RGS5: variants seen among roughly 807,000 people sequenced by gnomAD.
The protein encoded by RGS5 is regulator of G-protein signalling 5.
In RGS5, 20 loss-of-function variants were observed where a neutral mutation model predicts 18.9. The ratio of observed to expected loss-of-function variants is 1.06; its 90% confidence interval spans 0.74 to 1.54. The LOEUF is 1.54. RGS5 is among the 40% of genes most tolerant of loss of function. RGS5 has a pLI of 0.00. For synonymous variants in RGS5, 57 were observed against 76.2 expected (o/e 0.75, Z 1.31); for missense variants, 201 against 211.8 (o/e 0.95, Z 0.32).
intron 1 of RGS5, among the ~76,000 whole-genome samples, chr1:163,315,968 C>T (rs1225110449): frequency 6.6e-6 from 1 of 152,078 alleles, no homozygotes; most frequent in African/African-American, 2.4e-5. Context: ...AACACTAATG[C>T]AACAGCGCCA....
chr1:163,272,822 A>G (rs1360124038), intron 2 of RGS5, among the ~76,000 whole-genome samples: 1 of 151,932 alleles, frequency 6.6e-6, no homozygotes, highest in African/African-American at 2.4e-5. Flanking sequence ...CACTATTTTT[A>G]TTACTACAGC....
chr1:163,236,624 T>C (rs1440137905), intron 2 of RGS5, among the ~76,000 whole-genome samples: 1 of 151,926 alleles, frequency 6.6e-6, no homozygotes, highest in Non-Finnish European at 1.5e-5. Flanking sequence ...ACCAGCAATA[T>C]AATAGGAAAA....
intron 2 of RGS5, chr1:163,162,684 T>G (rs940688053): frequency 2.0e-5 from 3 of 152,182 alleles, no homozygotes; most frequent in South Asian, 4.1e-4. Flanking sequence ...GAGAAGGTTA[T>G]AGCCAACATA....
At chr1:163,249,853 T>C (rs1199012454) in intron 2 of RGS5, among the ~76,000 whole-genome samples, 1 of 152,198 alleles carries the variant, frequency 6.6e-6, no homozygotes, top group African/African-American at 2.4e-5. Context: ...AAGATGGTAA[T>C]TGCAATGCAA....
intron 2 of RGS5, among the ~76,000 whole-genome samples, chr1:163,164,699 C>A (rs1657967671): frequency 6.6e-6 from 1 of 152,202 alleles, no homozygotes; most frequent in Non-Finnish European, 1.5e-5. Context: ...ATGAAAGCCA[C>A]AAATAACCCC....
upstream of RGS5, among the ~76,000 whole-genome samples, chr1:163,221,082 A>G (rs1351001209): frequency 1.3e-5 from 2 of 152,204 alleles, no homozygotes; most frequent in African/African-American, 4.8e-5. Context: ...GAATTATATC[A>G]GGAGACACTC....
intron 3 of RGS5, among the ~76,000 whole-genome samples, chr1:163,156,285 T>C (rs1657576479): frequency 1.3e-5 from 2 of 152,206 alleles, no homozygotes; most frequent in Admixed American, 6.5e-5. Flanking sequence ...TGCTAAGAAA[T>C]AAATAATTCA....
Position 163,154,271 on chromosome 1 carries a change from A to G in RGS5, c.218-1555T>C, listed in dbSNP as rs531291647. Among the ~76,000 whole-genome samples the G allele has an allele frequency of 7.4e-4, 112 of 152,196 alleles. 1 individual carries two copies. The highest frequency in any genetic ancestry group is 1.3e-3 in the Non-Finnish European group (86 of 68,036). ...TAAAACGTATGCAATGATAAAAACAAAGACGCTATATATAGTTATCCATTT... is the reference window on the plus strand; with the variant it reads ...TAAAACGTATGCAATGATAAAAACAGAGACGCTATATATAGTTATCCATTT... On this transcript the variant is annotated intron_variant, in intron 3 of 4. Coordinates refer to ENST00000313961, the MANE Select transcript of RGS5 (RefSeq NM_003617.4).
At chr1:163,189,439 T>G (rs1235738325) in intron 1 of RGS5, among the ~76,000 whole-genome samples, 5 of 152,180 alleles carry the variant, frequency 3.3e-5, no homozygotes, top group African/African-American at 1.2e-4. Context: ...TAAAGAGACG[T>G]AAAATGGTAC....
intron 2 of RGS5, among the ~76,000 whole-genome samples, chr1:163,305,876 A>C (rs1376032242): frequency 6.6e-6 from 1 of 152,226 alleles, no homozygotes; most frequent in African/African-American, 2.4e-5. Flanking sequence ...AGCTTGGAGA[A>C]CTGCTACAAA....
intron 1 of RGS5, among the ~76,000 whole-genome samples, chr1:163,320,525 C>T (rs957469673): frequency 3.3e-5 from 5 of 152,128 alleles, no homozygotes; most frequent in Admixed American, 6.5e-5. Context: ...TCAGTCACTA[C>T]GCTATGGTTC....
At chr1:163,197,585 G>T (rs1659615149) in intron 1 of RGS5, among the ~76,000 whole-genome samples, 1 of 152,144 alleles carries the variant, frequency 6.6e-6, no homozygotes, top group Admixed American at 6.6e-5. Flanking sequence ...AAGTACACAG[G>T]TTTGAAAGGC....
intron 2 of RGS5, among the ~76,000 whole-genome samples, chr1:163,245,618 A>T (rs930074498): frequency 1.8e-4 from 27 of 152,174 alleles, no homozygotes; most frequent in Non-Finnish European, 2.1e-4. Flanking sequence ...GCAAAAGCAA[A>T]TCCTAGTTTT....
intron 1 of RGS5, among the ~76,000 whole-genome samples, chr1:163,170,811 G>C (rs1319743343): frequency 6.6e-6 from 1 of 152,028 alleles, no homozygotes; most frequent in Non-Finnish European, 1.5e-5. Flanking sequence ...ACGGCATTAG[G>C]GTAAAAACTG....
rs1390901807 is a variant in RGS5 at position 163,145,800 on chromosome 1, C to T, written c.*1542G>A. The T allele has an allele frequency of 6.6e-6, 1 of 152,002 alleles. No individual in the cohort carries two copies. The highest frequency in any genetic ancestry group is 1.5e-5 in the Non-Finnish European group (1 of 68,000). 9.4% of individuals were successfully genotyped at this position (152,002 alleles called of 1,614,324 possible). On this transcript the variant is annotated 3_prime_UTR_variant, in exon 5 of 5. Transcript: ENST00000313961. The stretch of plus-strand genomic sequence containing the variant: ...CACTTTCAATATTCTTAGGAAATAA[C>T]CAAATAAATGAGCTACAAATATGAG...
intron 2 of RGS5, among the ~76,000 whole-genome samples, chr1:163,283,670 A>G (rs1649057759): frequency 6.6e-6 from 1 of 152,134 alleles, no homozygotes; most frequent in African/African-American, 2.4e-5. Context: ...ATCTTCCAGC[A>G]GGCTCACTCT....
intron 1 of RGS5, among the ~76,000 whole-genome samples, chr1:163,312,539 G>A (rs114924380): frequency 6.6e-6 from 1 of 152,168 alleles, no homozygotes; most frequent in East Asian, 1.9e-4. Flanking sequence ...GGAGCAAGGC[G>A]CACAGGGTAG....
intron 2 of RGS5, among the ~76,000 whole-genome samples, chr1:163,232,424 G>C (rs1647505833): frequency 6.6e-6 from 1 of 152,166 alleles, no homozygotes; most frequent in Non-Finnish European, 1.5e-5. Context: ...TTTTGTAGGA[G>C]ATGTAGTTAT....
Position 163,147,522 on chromosome 1 carries a change from G to C in RGS5, c.385-19C>G, listed in dbSNP as rs752799798. The C allele has an allele frequency of 6.4e-6, 10 of 1,556,716 alleles. No individual in the cohort carries two copies. In the African/African-American group the frequency reaches 1.4e-4, roughly 22 times the overall value. On this transcript the variant is annotated intron_variant, in intron 4 of 4. Transcript: ENST00000313961. ...TATTCACCTGTGGGCCAGGAAACAG[G>C]GTCACTACATAAGCCTAAGTTATAG...
Sources: allele counts gnomAD v4.1 joint callset (sites outside exome capture counted in the v4.1 genomes callset), GRCh38; gene constraint gnomAD v4.1.1; transcripts MANE v1.5; gene names NCBI Gene and HGNC (gene_info 2026-07-23, HGNC 2026-07-21).